Variants in RBFOX1 observed in about 807,000 individuals in gnomAD.
RBFOX1 encodes the protein RNA binding fox-1 homolog 1, also known as RNA binding protein fox-1 homolog 1.
In RBFOX1, 8 loss-of-function variants were observed where a neutral mutation model predicts 57.7. That is an observed-to-expected ratio of 0.14 (90% CI 0.08 to 0.25). RBFOX1 has a LOEUF of 0.25. RBFOX1 is among the 10% of genes least tolerant of loss of function. The pLI is 1.00. For missense variants in RBFOX1, 611 were observed against 548.5 expected, an observed-to-expected ratio of 1.11 and a Z score of -1.14; for synonymous variants, 326 against 222.4, an observed-to-expected ratio of 1.47 and a Z score of -4.15.
chr16:6,786,245 A>G (rs2081941076), intron 3 of RBFOX1, among the ~76,000 whole-genome samples: 1 of 152,164 alleles, frequency 6.6e-6, no homozygotes, highest in South Asian at 2.1e-4. Context: ...GACCCTCACA[A>G]GTATGGGCCT....
At chr16:6,244,115 C>G (rs1479006050) in intron 1 of RBFOX1, among the ~76,000 whole-genome samples, 1 of 151,952 alleles carries the variant, frequency 6.6e-6, no homozygotes, top group Non-Finnish European at 1.5e-5. Flanking sequence ...GAAACTTTGA[C>G]TTTTTAATAT....
intron 1 of RBFOX1, among the ~76,000 whole-genome samples, chr16:6,181,440 T>C (rs1285439636): frequency 6.6e-6 from 1 of 152,152 alleles, no homozygotes; most frequent in Admixed American, 6.5e-5. Flanking sequence ...TGCTGAAATT[T>C]TGGGGGGGTC....
intron 1 of RBFOX1, among the ~76,000 whole-genome samples, chr16:6,304,578 G>A (rs965935033): frequency 6.6e-6 from 1 of 152,018 alleles, no homozygotes; most frequent in Non-Finnish European, 1.5e-5. Flanking sequence ...GAGGGGAGAC[G>A]TTACTTAGAA....
chr16:6,618,903 A>G (rs1273537109), intron 2 of RBFOX1, among the ~76,000 whole-genome samples: 1 of 152,178 alleles, frequency 6.6e-6, no homozygotes, highest in Non-Finnish European at 1.5e-5. Flanking sequence ...ATGAGGAAGG[A>G]GCAGGGCCAT....
At chr16:7,628,613 G>A (rs1350893902) in intron 10 of RBFOX1, among the ~76,000 whole-genome samples, 3 of 152,064 alleles carry the variant, frequency 2.0e-5, no homozygotes, top group Non-Finnish European at 4.4e-5. Context: ...CATACGTTGT[G>A]ATAAACTTTT....
At chr16:6,822,440 T>A (rs940579757) in intron 3 of RBFOX1, among the ~76,000 whole-genome samples, 1 of 152,184 alleles carries the variant, frequency 6.6e-6, no homozygotes, top group African/African-American at 2.4e-5. Context: ...ATTGCTAACT[T>A]GTAACTTGGA....
At chr16:7,381,278 T>C (rs2097778118) in intron 4 of RBFOX1, among the ~76,000 whole-genome samples, 1 of 152,216 alleles carries the variant, frequency 6.6e-6, no homozygotes, top group Admixed American at 6.5e-5. Context: ...ACTTTTCTTG[T>C]TGTCCTTGTT....
chr16:7,118,832 G>A (rs573603463), intron 4 of RBFOX1, among the ~76,000 whole-genome samples: 6 of 152,246 alleles, frequency 3.9e-5, no homozygotes, highest in South Asian at 4.1e-4. Flanking sequence ...CCAGGGCACC[G>A]AAAGAGAGAA....
chr16:7,009,723 G>A (rs944671786), intron 3 of RBFOX1, among the ~76,000 whole-genome samples: 1 of 152,186 alleles, frequency 6.6e-6, no homozygotes, highest in Non-Finnish European at 1.5e-5. Context: ...AACCTAATCA[G>A]CCTGATACCA....
intron 15 of RBFOX1, 105 bp downstream of exon 15, chr16:7,709,236 ATT>A (rs1275049498): frequency 1.7e-6 from 2 of 1,167,530 alleles, no homozygotes; most frequent in East Asian, 4.9e-5. Flanking sequence ...CGTTAATTGA[ATT>A]TGTCTCTTGT....
chr16:6,733,483 A>G (rs1285978628), intron 3 of RBFOX1, among the ~76,000 whole-genome samples: 5 of 152,236 alleles, frequency 3.3e-5, no homozygotes, highest in African/African-American at 9.6e-5. Flanking sequence ...TATAAGGGCA[A>G]TAGCAGAATT....
intron 4 of RBFOX1, among the ~76,000 whole-genome samples, chr16:7,478,853 C>T (rs922307824): frequency 5.3e-5 from 8 of 152,140 alleles, no homozygotes; most frequent in East Asian, 1.9e-4. Context: ...TTGCTTGAGT[C>T]GAGCGCCTTG....
At chr16:6,978,219 C>G (rs1263442528) in intron 3 of RBFOX1, among the ~76,000 whole-genome samples, 1 of 152,186 alleles carries the variant, frequency 6.6e-6, no homozygotes, top group East Asian at 1.9e-4. Context: ...GTTCGAAATG[C>G]TTCTTGAAAA....
chr16:6,901,416 A>G lies in RBFOX1; in HGVS notation c.-15-150641A>G, dbSNP rs145286197. ...GACGTTCCTACTACCTTTGGGGAAG[A>G]CAATAACACAGAGTCCAAGAGGTCA... On this transcript the variant is annotated intron_variant, in intron 3 of 15. Transcript: ENST00000550418. 5.7e-3 allele frequency among the ~76,000 whole-genome samples: 864 copies of G among 152,254 alleles called. 9 individuals are homozygous for G. The highest frequency in any genetic ancestry group is 0.019 in the African/African-American group (809 of 41,554).
At chr16:6,672,169 T>C (rs1232906281) in intron 3 of RBFOX1, among the ~76,000 whole-genome samples, 1 of 152,236 alleles carries the variant, frequency 6.6e-6, no homozygotes, top group Non-Finnish European at 1.5e-5. Context: ...TACTTATCTT[T>C]TATTTAGTTT....
chr16:7,580,534 G>C lies in RBFOX1; in HGVS notation c.414+614G>C, dbSNP rs537319579. Reference sequence around the variant, plus strand: ...TTCTGAAATCAGTGAAAAGGATTCAGAGGTACTTACTGTGGTGCTATATGC... The same window carrying C: ...TTCTGAAATCAGTGAAAAGGATTCACAGGTACTTACTGTGGTGCTATATGC... On this transcript the variant is annotated intron_variant, in intron 6 of 15. Transcript: ENST00000550418. 8.5e-5 allele frequency among the ~76,000 whole-genome samples: 13 copies of C among 152,244 alleles called. 1 individual carries two copies. The South Asian group carries it at 2.7e-3, about 32-fold the overall frequency.
intron 3 of RBFOX1, among the ~76,000 whole-genome samples, chr16:6,891,399 C>A (rs1481011815): frequency 1.3e-5 from 2 of 151,940 alleles, no homozygotes; most frequent in African/African-American, 4.8e-5. Context: ...TTCTGAAAAC[C>A]CAGAAACCCG....
chr16:6,203,177 T>A (rs1374365594), intron 1 of RBFOX1, among the ~76,000 whole-genome samples: 1 of 152,148 alleles, frequency 6.6e-6, no homozygotes, highest in Non-Finnish European at 1.5e-5. Context: ...CCATAGGCCT[T>A]ACATTATACA....
intron 4 of RBFOX1, among the ~76,000 whole-genome samples, chr16:7,201,481 G>C (rs1407228495): frequency 9.3e-6 from 1 of 107,788 alleles, no homozygotes; most frequent in Non-Finnish European, 2.0e-5. Context: ...TCTTTTTTTT[G>C]AGACAGTTTT....
Sources: gnomAD v4.1 joint callset for allele counts (sites outside exome capture counted in the v4.1 genomes callset) on GRCh38, gnomAD v4.1.1 for gene constraint, MANE v1.5 for transcripts, NCBI Gene and HGNC (gene_info 2026-07-23, HGNC 2026-07-21) for gene names.